Variants in PNPLA8 observed in about 807,000 individuals in gnomAD.
PNPLA8 encodes the protein patatin like domain 8, phospholipase A2.
A neutral mutation model predicts 76.9 loss-of-function variants in PNPLA8; 39 were observed. That is an observed-to-expected ratio of 0.51 (90% CI 0.39 to 0.66). The LOEUF (loss-of-function observed/expected upper bound fraction) is 0.66, where lower values mean the gene tolerates loss of function less well. Among genes scored for constraint, PNPLA8 ranks in the 30% least tolerant of loss-of-function variants. PNPLA8 has a pLI of 0.00. For synonymous variants in PNPLA8, 301 were observed against 307.9 expected (o/e 0.98, Z 0.24); for missense variants, 887 against 918.0 (o/e 0.97, Z 0.44).
chr7:108,499,801 A>G (rs1042817549), intron 5 of PNPLA8, among the ~76,000 whole-genome samples: 2 of 152,214 alleles, frequency 1.3e-5, no homozygotes, highest in Non-Finnish European at 2.9e-5. Context: ...TCCTCCCTAT[A>G]TGACTAATAC....
chr7:108,483,959 A>C (rs958468563), intron 9 of PNPLA8, among the ~76,000 whole-genome samples: 1 of 152,198 alleles, frequency 6.6e-6, no homozygotes, highest in Admixed American at 6.5e-5. Context: ...TTAAACCTTA[A>C]ATTTTATATT....
chr7:108,484,170 A>G (rs1860586225), intron 9 of PNPLA8, among the ~76,000 whole-genome samples: 1 of 152,160 alleles, frequency 6.6e-6, no homozygotes, highest in Admixed American at 6.6e-5. Context: ...TGTGCTAACC[A>G]TTTTTCAAAG....
At chr7:108,515,769 A>G (rs1271470765) in intron 2 of PNPLA8, among the ~76,000 whole-genome samples, 195 bp from the exon 3 acceptor site, 1 of 152,260 alleles carries the variant, frequency 6.6e-6, no homozygotes. Flanking sequence ...AGGTAAATAA[A>G]AAAAGAAAAT....
chr7:108,520,031 C>T lies in PNPLA8; in HGVS notation c.-84+1445G>A, dbSNP rs183217447. Among the ~76,000 whole-genome samples the T allele has an allele frequency of 9.2e-5, 14 of 152,280 alleles. No individual in the cohort carries two copies. In the East Asian group the frequency reaches 2.7e-3, roughly 29 times the overall value. ...GCTCGAGAGAATTACCTCCATTCAC[C>T]ATCTTTCCTTCCCCTCTGAAAATAG... On this transcript the variant is annotated intron_variant, in intron 2 of 10. Coordinates refer to ENST00000257694, the MANE Select transcript of PNPLA8 (RefSeq NM_001256007.3).
At chr7:108,487,301 A>C (rs144154981) in intron 9 of PNPLA8, among the ~76,000 whole-genome samples, 1,686 of 152,292 alleles carry the variant, frequency 0.011, 12 homozygotes, top group Middle Eastern at 0.044. Flanking sequence ...ATTAAATGAG[A>C]TAATGCATGC....
chr7:108,489,144 T>C (rs1369371516), intron 8 of PNPLA8, among the ~76,000 whole-genome samples: 1 of 152,218 alleles, frequency 6.6e-6, no homozygotes, highest in Non-Finnish European at 1.5e-5. Flanking sequence ...TATTCAAAAC[T>C]GACAACTTCA....
chr7:108,472,457 A>C lies in PNPLA8; in HGVS notation c.2293T>G (p.Trp765Gly), dbSNP rs1273256714. 2 of 1,596,250 alleles carry C rather than the reference A, an allele frequency of 1.3e-6. No homozygotes were observed. Among genetic ancestry groups the C allele is most frequent in the Non-Finnish European group, 1.7e-6 (2 of 1,170,494 alleles). ...EKTTLQKINDWIKLKTDMYEG... is the reference protein window; with the variant it reads ...EKTTLQKINDGIKLKTDMYEG... ...TACATATCAGTTTTTAATTTTATCC[A>C]ATCATTAATTTTCTGCAGAGTTGTT... The change falls in exon 11 of 11, where the codon TGG (tryptophan) becomes GGG (glycine). Residue 765 changes from tryptophan (W) to glycine (G), a missense_variant. By Grantham distance (184) the Trp-to-Gly change is radical. Coordinates refer to ENST00000257694, the MANE Select transcript of PNPLA8 (RefSeq NM_001256007.3).
At chr7:108,506,710 G>GA (rs34829037) in intron 4 of PNPLA8, among the ~76,000 whole-genome samples, 15,223 of 146,382 alleles carry the variant, frequency 0.1, 787 homozygotes, top group Non-Finnish European at 0.11. Context: ...AATATTGAGT[G>GA]AAAAAAAAAA....
At chr7:108,499,905 TCTTC>T (rs748241702) in intron 5 of PNPLA8, among the ~76,000 whole-genome samples, 50 of 152,292 alleles carry the variant, frequency 3.3e-4, no homozygotes, top group Non-Finnish European at 5.3e-4. Context: ...TCTTCAATTT[TCTTC>T]CTTCCTTCCT....
chr7:108,514,699 T>C lies in PNPLA8; in HGVS notation c.793A>G (p.Thr265Ala), dbSNP rs781432389. 3 of 1,614,050 alleles carry C rather than the reference T, an allele frequency of 1.9e-6. No homozygotes were observed. Among genetic ancestry groups the C allele is most frequent in the Non-Finnish European group, 2.5e-6 (3 of 1,179,926 alleles). ...GAAGGACTTGTAGGCTTGTCCACCG[T>C]ATGTACAGATTCTGAGCCTGGCTTA... is the stretch of plus-strand genomic sequence containing the variant. Reference protein sequence around the residue: ...AYKPGSESVHTVDKPTSPSAI... With the variant: ...AYKPGSESVHAVDKPTSPSAI... Residue 265 changes from threonine (T) to alanine (A), a missense_variant, in exon 3 of 11, where the codon ACG becomes GCG. By Grantham distance (58) the Thr-to-Ala change is moderately conservative. Transcript: ENST00000257694.
intron 2 of PNPLA8, among the ~76,000 whole-genome samples, chr7:108,518,720 AAT>A (rs148834592): frequency 0.056 from 6,870 of 123,026 alleles, 195 homozygotes; most frequent in Admixed American, 0.092. Flanking sequence ...TATGCACATG[AAT>A]ATATATATAT....
intron 8 of PNPLA8, 33 bp downstream of exon 8, chr7:108,491,377 C>G: frequency 7.5e-7 from 1 of 1,341,022 alleles, no homozygotes; most frequent in South Asian, 1.2e-5. Flanking sequence ...TCAGATGGAA[C>G]TAGGTGTTAT....
At chr7:108,507,145 C>A (rs533739298) in intron 4 of PNPLA8, among the ~76,000 whole-genome samples, 1 of 151,770 alleles carries the variant, frequency 6.6e-6, no homozygotes, top group African/African-American at 2.4e-5. Flanking sequence ...GAGATCGAGA[C>A]CATCCTGGCC....
intron 9 of PNPLA8, among the ~76,000 whole-genome samples, chr7:108,486,706 T>C (rs571763719): frequency 4.5e-4 from 69 of 152,226 alleles, no homozygotes; most frequent in African/African-American, 1.6e-3. Flanking sequence ...TGAGATAAAA[T>C]TGATAAAAAT....
intron 8 of PNPLA8, among the ~76,000 whole-genome samples, chr7:108,490,517 C>A (rs1209822359): frequency 6.6e-6 from 1 of 152,196 alleles, no homozygotes; most frequent in East Asian, 1.9e-4. Context: ...GGCGCGGTGG[C>A]TCACGCCCGT....
chr7:108,514,352 A>C, intron 3 of PNPLA8, 59 bp from the exon 4 acceptor site: 1 of 1,544,608 alleles, frequency 6.5e-7, no homozygotes, highest in Non-Finnish European at 8.8e-7. Flanking sequence ...AAGAACAATG[A>C]AAGTTTCTTA....
rs1255605052 is a variant in PNPLA8, at chr7:108,514,236, T to C, written c.1114A>G (p.Arg372Gly). Reference protein sequence around the residue: ...RTRALVQALRRTTDPKLCITR... With the variant: ...RTRALVQALRGTTDPKLCITR... The stretch of plus-strand genomic sequence containing the variant: ...ATGCAGAGCTTTGGGTCAGTTGTTC[T>C]TCTTAATGCCTGAACTAATGCCCGG... Residue 372 changes from arginine to glycine, a missense_variant, in exon 4 of 11, where the codon AGA (arginine) becomes GGA (glycine). Arg to Gly is a moderately radical substitution (Grantham distance 125). Coordinates refer to ENST00000257694, the MANE Select transcript of PNPLA8 (RefSeq NM_001256007.3). 5 of 1,611,038 alleles carry C rather than the reference T, an allele frequency of 3.1e-6. No homozygotes were observed. Among genetic ancestry groups the C allele is most frequent in the South Asian group, 1.1e-5 (1 of 91,018 alleles).
At chr7:108,480,459 A>G (rs377195171) in intron 9 of PNPLA8, among the ~76,000 whole-genome samples, 2 of 152,160 alleles carry the variant, frequency 1.3e-5, no homozygotes, top group Admixed American at 6.5e-5. Flanking sequence ...TCTCCTGTTC[A>G]GCTCCCATCC....
At chr7:108,481,355 T>A (rs981842407) in intron 9 of PNPLA8, among the ~76,000 whole-genome samples, 1 of 152,236 alleles carries the variant, frequency 6.6e-6, no homozygotes, top group Non-Finnish European at 1.5e-5. Flanking sequence ...TTGCTCTGCA[T>A]CTTATTACAG....
Sources: gnomAD v4.1 joint callset for allele counts (sites outside exome capture counted in the v4.1 genomes callset) on GRCh38, gnomAD v4.1.1 for gene constraint, MANE v1.5 for transcripts, NCBI Gene and HGNC (gene_info 2026-07-23, HGNC 2026-07-21) for gene names.